SLC4A4: variants seen among roughly 807,000 people sequenced by gnomAD.
The protein encoded by SLC4A4 is electrogenic sodium bicarbonate cotransporter 1.
SLC4A4 carries 27 observed loss-of-function variants against 111.5 expected under a neutral mutation model. That is an observed-to-expected ratio of 0.24 (90% confidence interval 0.18 to 0.33). The LOEUF is 0.33. Among genes scored for constraint, SLC4A4 ranks in the 10% least tolerant of loss-of-function variants. The pLI, the probability that SLC4A4 is intolerant of heterozygous loss-of-function variation, is 1.00. For missense variants in SLC4A4, 909 were observed against 1,315.5 expected (o/e 0.69, Z 4.78); for synonymous variants, 443 against 463.4 (o/e 0.96, Z 0.57).
At position 71,571,375 on chromosome 4, in the gene SLC4A4, C is replaced by A. The variant is rs896937576; in HGVS notation, c.*3624C>A. ...AGCATGAGCATGAAGCCCAGTGGCA[C>A]CAAATGGCTGGGTACAATCAAGTGA... On this transcript the variant is annotated 3_prime_UTR_variant, in exon 26 of 26. Coordinates refer to ENST00000264485, the MANE Select transcript of SLC4A4 (RefSeq NM_001098484.3). 1 of 152,132 alleles carries A rather than the reference C, an allele frequency of 6.6e-6. No homozygotes were observed. Among genetic ancestry groups the A allele is most frequent in the Non-Finnish European group, 1.5e-5 (1 of 67,868 alleles). 9.4% of individuals were successfully genotyped at this position (152,132 alleles called of 1,614,324 possible).
chr4:71,204,046 C>T (rs1030653077), intron 1 of SLC4A4, among the ~76,000 whole-genome samples: 4 of 152,090 alleles, frequency 2.6e-5, no homozygotes, highest in Non-Finnish European at 5.9e-5. Flanking sequence ...AGTTTTTCAC[C>T]CACAGGTCAC....
chr4:71,569,238 G>A lies in SLC4A4; in HGVS notation c.*1487G>A, dbSNP rs994845195. 1 of 151,570 alleles carries A rather than the reference G, an allele frequency of 6.6e-6. No homozygotes were observed. Among genetic ancestry groups the A allele is most frequent in the African/African-American group, 2.4e-5 (1 of 41,320 alleles). The allele number at this position is 151,570 out of a possible 1,614,324, so 9.4% of individuals were successfully genotyped here. ...GAGGGTAAATATAGTTTATTTCCCA[G>A]GTATCAGTCATTATAATTGATATAA... On this transcript the variant is annotated 3_prime_UTR_variant, in exon 26 of 26. Coordinates refer to ENST00000264485, the MANE Select transcript of SLC4A4 (RefSeq NM_001098484.3).
intron 3 of SLC4A4, among the ~76,000 whole-genome samples, chr4:71,273,299 A>T (rs973555416): frequency 9.2e-5 from 14 of 152,324 alleles, no homozygotes; most frequent in South Asian, 4.1e-4. Context: ...GTGGGGGAGC[A>T]TGAAACCAGT....
chr4:71,067,699 G>A (rs1341320838), intron 1 of SLC4A4, among the ~76,000 whole-genome samples: 4 of 152,094 alleles, frequency 2.6e-5, no homozygotes, highest in Non-Finnish European at 1.5e-5. Context: ...GGAAATACCA[G>A]GATAGTTCTT....
At chr4:71,527,183 G>T (rs145264240) in intron 16 of SLC4A4, among the ~76,000 whole-genome samples, 3 of 152,160 alleles carry the variant, frequency 2.0e-5, no homozygotes, top group African/African-American at 7.2e-5. Flanking sequence ...AGTACACTGG[G>T]TGCTATGTTA....
intron 2 of SLC4A4, among the ~76,000 whole-genome samples, chr4:71,121,221 C>T (rs1001203966): frequency 1.4e-4 from 21 of 152,074 alleles, no homozygotes; most frequent in South Asian, 6.2e-4. Flanking sequence ...TTCCCTCCCC[C>T]CTCCCCTTGG....
intron 1 of SLC4A4, among the ~76,000 whole-genome samples, chr4:71,193,320 C>T (rs890661277): frequency 5.9e-5 from 9 of 152,192 alleles, no homozygotes; most frequent in South Asian, 2.1e-4. Context: ...CCACCACGTC[C>T]GGCTAATTTT....
At chr4:71,536,470 AT>A (rs1734467378) in intron 18 of SLC4A4, among the ~76,000 whole-genome samples, 1 of 81,798 alleles carries the variant, frequency 1.2e-5, no homozygotes, top group Admixed American at 1.5e-4. Context: ...ATATACATAT[AT>A]ATATATATAT....
chr4:71,196,911 A>G (rs1746035184), intron 1 of SLC4A4, among the ~76,000 whole-genome samples: 1 of 142,602 alleles, frequency 7.0e-6, no homozygotes. Context: ...ATCTTATCCA[A>G]CTTTATTTAA....
At chr4:71,482,418 A>G (rs1728966546) in intron 14 of SLC4A4, among the ~76,000 whole-genome samples, 1 of 151,576 alleles carries the variant, frequency 6.6e-6, no homozygotes, top group Non-Finnish European at 1.5e-5. Context: ...AGGAATTTAA[A>G]TGAGCAGAAT....
At chr4:71,240,080 G>A (rs999813765) in intron 2 of SLC4A4, among the ~76,000 whole-genome samples, 6 of 152,114 alleles carry the variant, frequency 3.9e-5, no homozygotes, top group Admixed American at 1.3e-4. Context: ...TGCTAATTAC[G>A]TAGCAATTAC....
chr4:71,383,624 T>C (rs1718379111), intron 6 of SLC4A4, among the ~76,000 whole-genome samples: 1 of 152,194 alleles, frequency 6.6e-6, no homozygotes, highest in South Asian at 2.1e-4. Context: ...GAGGGATTTA[T>C]GCACATGATT....
intron 1 of SLC4A4, among the ~76,000 whole-genome samples, chr4:71,233,482 T>C (rs1325697202): frequency 6.6e-6 from 1 of 152,226 alleles, no homozygotes. Flanking sequence ...TTTGTTCCTC[T>C]GCTCTGCTTG....
chr4:71,443,243 C>T (rs975902967), intron 8 of SLC4A4, among the ~76,000 whole-genome samples: 1 of 150,420 alleles, frequency 6.6e-6, no homozygotes. Context: ...CCCCGCCTCC[C>T]TGGTTCAGGC....
intron 13 of SLC4A4, among the ~76,000 whole-genome samples, chr4:71,468,684 C>G (rs563829731): frequency 1.3e-5 from 2 of 151,370 alleles, no homozygotes; most frequent in Admixed American, 1.3e-4. Flanking sequence ...GGGTAGATCA[C>G]TATTTCCAAA....
intron 2 of SLC4A4, among the ~76,000 whole-genome samples, chr4:71,242,041 A>G (rs1035873457): frequency 1.3e-5 from 2 of 152,192 alleles, no homozygotes; most frequent in African/African-American, 4.8e-5. Flanking sequence ...GGCTGATGAT[A>G]GTTCCGTGTG....
intron 2 of SLC4A4, among the ~76,000 whole-genome samples, chr4:71,156,567 C>T (rs1455674227): frequency 3.1e-4 from 5 of 15,880 alleles, no homozygotes; most frequent in African/African-American, 3.8e-4. Context: ...TAAGTGTGTG[C>T]GCGCATGCGC....
At chr4:71,355,242 A>G (rs1201398995) in intron 5 of SLC4A4, among the ~76,000 whole-genome samples, 4 of 152,200 alleles carry the variant, frequency 2.6e-5, no homozygotes, top group Non-Finnish European at 5.9e-5. Flanking sequence ...ACTTTAGTCT[A>G]CAACCCTGAA....
rs990085555 is a variant in SLC4A4 at position 71,118,638 on chromosome 4, T to G, written c.-2+25846T>G. Among the ~76,000 whole-genome samples, 171 of 152,302 alleles carry G rather than the reference T, an allele frequency of 1.1e-3. 2 individuals carry two copies. Among genetic ancestry groups the G allele is most frequent in the African/African-American group, 4.0e-3 (165 of 41,564 alleles). ...ATTTTTGCTTTTCTGGAAATATCTT[T>G]ATTTGCCTTTATCTTTGACAGATTA... On this transcript the variant is annotated intron_variant, in intron 2 of 26. Coordinates refer to the SLC4A4 transcript ENST00000649996.
Sources: allele counts gnomAD v4.1 joint callset (sites outside exome capture counted in the v4.1 genomes callset), GRCh38; gene constraint gnomAD v4.1.1; transcripts MANE v1.5; gene names NCBI Gene and HGNC (gene_info 2026-07-23, HGNC 2026-07-21).